The following RASA3 variants were observed in gnomAD, a reference collection of about 807,000 sequenced individuals.
The protein encoded by RASA3 is RAS p21 protein activator 3.
A neutral mutation model predicts 110.0 loss-of-function variants in RASA3; 73 were observed. That is an observed-to-expected ratio of 0.66 (90% CI 0.55 to 0.81). The LOEUF (loss-of-function observed/expected upper bound fraction) is 0.81. Among genes scored for constraint, RASA3 ranks in the 30% least tolerant of loss-of-function variants. RASA3 has a pLI of 0.00. For synonymous variants in RASA3, 500 were observed against 451.4 expected (o/e 1.11, Z -1.37); for missense variants, 976 against 1,113.2 (o/e 0.88, Z 1.75).
intron 1 of RASA3, among the ~76,000 whole-genome samples, chr13:114,113,395 G>C (rs2080242294): frequency 6.6e-6 from 1 of 152,176 alleles, no homozygotes; most frequent in Non-Finnish European, 1.5e-5. Context: ...AAAATGTCAA[G>C]CAGACCTCTG....
chr13:114,073,189 G>A (rs2079604232), intron 2 of RASA3, among the ~76,000 whole-genome samples: 1 of 151,540 alleles, frequency 6.6e-6, no homozygotes, highest in African/African-American at 2.4e-5. Flanking sequence ...CTACACGCAG[G>A]AAAACGGGAC....
intron 18 of RASA3, among the ~76,000 whole-genome samples, chr13:114,001,282 G>A (rs9590386): frequency 0.012 from 1,806 of 152,272 alleles, 27 homozygotes; most frequent in African/African-American, 0.042. Context: ...GGTCAGGGAG[G>A]GCAGCGGACG....
rs75230400 is a variant in RASA3, at chr13:114,088,889, C to T, written c.56-15052G>A. On this transcript the variant is annotated intron_variant, in intron 1 of 23. Transcript: ENST00000334062. ...TTAATTTTCACATGGTAAAATGTTC[C>T]CTGGTTACTAATAACAATAAATAAG... Among the ~76,000 whole-genome samples the T allele has an allele frequency of 2.5e-4, 38 of 152,232 alleles. 2 individuals carry two copies. The East Asian group carries it at 7.1e-3, about 29-fold the overall frequency.
Position 114,017,306 on chromosome 13 carries a change from G to A in RASA3, c.1137C>T (p.Cys379=). The A allele has an allele frequency of 6.2e-7, 1 of 1,614,020 alleles. No homozygotes were observed. Among genetic ancestry groups the A allele is most frequent in the Non-Finnish European group, 8.5e-7 (1 of 1,180,034 alleles). The part of the protein sequence containing the change: ...IFRGNSLASK[C]IDETMKLAGM... ...CCGCCAGCTTCATGGTCTCGTCGAT[G>A]CACTTGGACGCCAGTGAGTTTCCTC... The change falls in exon 12 of 24, where the codon TGC becomes TGT. Residue 379 remains cysteine (C), a synonymous_variant. Transcript: ENST00000334062.
chr13:114,127,727 G>C (rs1566593068), intron 1 of RASA3, among the ~76,000 whole-genome samples: 1 of 152,124 alleles, frequency 6.6e-6, no homozygotes, highest in African/African-American at 2.4e-5. Context: ...ACCAGCCTGG[G>C]CAACACAGTG....
At chr13:114,018,628 C>T (rs539612977) in intron 10 of RASA3, 135 bp downstream of exon 10, 2 of 1,158,868 alleles carry the variant, frequency 1.7e-6, no homozygotes, top group African/African-American at 3.1e-5. Flanking sequence ...GGACGGGAAA[C>T]AGGCCAGGCT....
intron 10 of RASA3, 55 bp from the exon 11 acceptor site, chr13:114,018,307 C>A: frequency 2.7e-6 from 4 of 1,504,074 alleles, no homozygotes; most frequent in Non-Finnish European, 3.6e-6. Flanking sequence ...ACCCCAGAGG[C>A]CTGTCCCCAC....
intron 1 of RASA3, among the ~76,000 whole-genome samples, chr13:114,117,262 T>A (rs1417646244): frequency 4.5e-5 from 3 of 67,022 alleles, no homozygotes; most frequent in African/African-American, 4.6e-5. Context: ...GTGTGAGGGA[T>A]GCACGTGTGT....
At chr13:114,031,972 T>TA in intron 4 of RASA3, among the ~76,000 whole-genome samples, 1 of 152,130 alleles carries the variant, frequency 6.6e-6, no homozygotes, top group East Asian at 1.9e-4. Context: ...CCTAAATGAT[T>TA]AAAAAACCTT....
rs61583207 is a variant in RASA3 at position 114,075,727 on chromosome 13, G to C, written c.56-1890C>G. Among the ~76,000 whole-genome samples, 180 of 78,378 alleles carry C rather than the reference G, an allele frequency of 2.3e-3. 1 individual carries two copies. Among genetic ancestry groups the C allele is most frequent in the South Asian group, 8.3e-3 (17 of 2,042 alleles). The allele number at this position is 78,378 out of a possible 152,430, so 51.4% of individuals were successfully genotyped here. ...CCGGCAGGACGAAGCCGCCCGTGTC[G>C]GCGCCGCGTATCTCTGGGTGTGGAG... is the stretch of plus-strand genomic sequence containing the variant. On this transcript the variant is annotated intron_variant, in intron 1 of 23. Coordinates refer to ENST00000334062, the MANE Select transcript of RASA3 (RefSeq NM_007368.4).
intron 1 of RASA3, among the ~76,000 whole-genome samples, chr13:114,109,020 G>A (rs1228353678): frequency 6.6e-6 from 1 of 152,056 alleles, no homozygotes; most frequent in Non-Finnish European, 1.5e-5. Context: ...CTCTCCACTC[G>A]GCCCCCTCCA....
At chr13:113,993,023 G>A (rs1043500245) in intron 21 of RASA3, among the ~76,000 whole-genome samples, 5 of 152,130 alleles carry the variant, frequency 3.3e-5, no homozygotes, top group Non-Finnish European at 5.9e-5. Flanking sequence ...GGAAGACTAG[G>A]TGCTAAAATC....
chr13:114,016,724 A>G (rs1178321642), intron 12 of RASA3, among the ~76,000 whole-genome samples: 1 of 152,234 alleles, frequency 6.6e-6, no homozygotes, highest in African/African-American at 2.4e-5. Flanking sequence ...TGCTGCCATG[A>G]TTTTGCCCAC....
intron 3 of RASA3, among the ~76,000 whole-genome samples, chr13:114,051,453 G>C (rs1004437969): frequency 3.9e-5 from 6 of 152,218 alleles, no homozygotes; most frequent in Admixed American, 3.9e-4. Context: ...CGAGTAACCT[G>C]AAGTCCACTC....
chr13:114,107,313 G>A (rs535568560), intron 1 of RASA3, among the ~76,000 whole-genome samples: 10 of 132,254 alleles, frequency 7.6e-5, no homozygotes, highest in East Asian at 3.9e-4. Context: ...TGCGGGGGAC[G>A]GGCCTGTGTG....
At chr13:114,052,925 T>C (rs55675239) in intron 2 of RASA3, among the ~76,000 whole-genome samples, 7,221 of 92,966 alleles carry the variant, frequency 0.078, 249 homozygotes, top group East Asian at 0.13. Context: ...AGACCCCCGC[T>C]GCTGACTGTA....
In RASA3 at chr13:114,024,343, A is replaced by C; in HGVS notation, c.616T>G (p.Cys206Gly). The change falls in exon 8 of 24, where the codon TGT becomes GGT. Residue 206 changes from cysteine to glycine, a missense_variant. Transcript: ENST00000334062. ...AAGTGGGACTTCTTGCTGTAGCTAC[A>C]GGGCCGGGTCACCTGGAGTCAGACG... The part of the protein sequence containing the change: ...EVFYFEVTRP[C>G]SYSKKSHFDF... 1.2e-6 allele frequency: 2 copies of C among 1,613,750 alleles called. No homozygotes were observed. The highest frequency in any genetic ancestry group is 2.2e-5 in the South Asian group (2 of 91,074).
chr13:114,011,373 G>C lies in RASA3; in HGVS notation c.1513-125C>G, dbSNP rs1357642375. ...CTGTGGCTTGTGCATGAGCTACGGA[G>C]AAACAGGGGTAGCGACGCAGATGGG... On this transcript the variant is annotated intron_variant, in intron 15 of 23. Transcript: ENST00000334062. The surrounding 1 kb of genome is among the most constrained non-coding windows in gnomAD (Gnocchi z 4.8). 3 of 834,714 alleles carry C rather than the reference G, an allele frequency of 3.6e-6. No homozygotes were observed. Among genetic ancestry groups the C allele is most frequent in the Non-Finnish European group, 5.9e-6 (3 of 506,350 alleles). 51.7% of individuals were successfully genotyped at this position (834,714 alleles called of 1,614,324 possible). A position where few individuals can be genotyped will look rare whatever the true frequency, so the allele number is the denominator to read the frequency against.
Position 114,041,075 on chromosome 13 carries a change from C to T in RASA3, c.297G>A (p.Lys99=), listed in dbSNP as rs2054395499. The T allele has an allele frequency of 1.9e-6, 3 of 1,613,838 alleles. No individual in the cohort carries two copies. In the South Asian group the frequency reaches 3.3e-5, roughly 18 times the overall value. Residue 99 remains lysine (K), a synonymous_variant, in exon 4 of 24, where the codon AAG becomes AAA. Coordinates refer to ENST00000334062, the MANE Select transcript of RASA3 (RefSeq NM_007368.4). The part of the protein sequence containing the change: ...DSIIGKVAIQ[K]EDLQKYHNRD... ...TGTTGTGGTACTTCTGCAAGTCCTC[C>T]TTCTGGATGGCCACCTTCCCTGCAA...
Sources: allele counts gnomAD v4.1 joint callset (sites outside exome capture counted in the v4.1 genomes callset), GRCh38; gene constraint gnomAD v4.1.1; non-coding constraint Gnocchi (gnomAD v3.1); transcripts MANE v1.5; gene names NCBI Gene and HGNC (gene_info 2026-07-23, HGNC 2026-07-21).